Variants in SH3BGRL2 observed in about 807,000 individuals in gnomAD.
The protein encoded by SH3BGRL2 is SH3 domain-binding glutamic acid-rich-like protein 2.
Under a neutral mutation model 14.8 loss-of-function variants are expected in SH3BGRL2, and 21 were observed. That is an observed-to-expected ratio of 1.42 (90% CI 1.01 to 2.05). The LOEUF (loss-of-function observed/expected upper bound fraction) is 2.05. SH3BGRL2 is among the 30% of genes most tolerant of loss of function. SH3BGRL2 has a pLI of 0.00. For synonymous variants in SH3BGRL2, 50 were observed against 47.8 expected, an observed-to-expected ratio of 1.05 and a Z score of -0.19; for missense variants, 147 against 130.8, an observed-to-expected ratio of 1.12 and a Z score of -0.61.
chr6:79,597,427 G>T, the SH3BGRL2 span, among the ~76,000 whole-genome samples: 2 of 152,050 alleles, frequency 1.3e-5, no homozygotes, highest in Non-Finnish European at 2.9e-5. Context: ...AAGACATATA[G>T]ATCAGTGGGA....
the SH3BGRL2 span, among the ~76,000 whole-genome samples, chr6:79,589,304 T>C: frequency 4.0e-5 from 6 of 151,328 alleles, no homozygotes; most frequent in Admixed American, 4.0e-4. Context: ...AAAGAGAAAC[T>C]ATAAAAGATA....
At chr6:79,697,640 T>C (rs1177965055) in intron 3 of SH3BGRL2, among the ~76,000 whole-genome samples, 2 of 152,212 alleles carry the variant, frequency 1.3e-5, no homozygotes, top group Non-Finnish European at 2.9e-5. Flanking sequence ...GTGGTTTCCA[T>C]GCACATGTTT....
At chr6:79,586,392 T>G in the SH3BGRL2 span, among the ~76,000 whole-genome samples, 2 of 152,006 alleles carry the variant, frequency 1.3e-5, no homozygotes, top group Non-Finnish European at 2.9e-5. Flanking sequence ...AATCACCATT[T>G]ATTTTGAAAA....
intron 2 of SH3BGRL2, among the ~76,000 whole-genome samples, chr6:79,685,892 A>G (rs1048350443): frequency 4.6e-5 from 7 of 152,144 alleles, no homozygotes; most frequent in Non-Finnish European, 8.8e-5. Context: ...CCTATTAGAG[A>G]AATAACTTTT....
At chr6:79,583,386 T>A in the SH3BGRL2 span, among the ~76,000 whole-genome samples, 1 of 152,192 alleles carries the variant, frequency 6.6e-6, no homozygotes, top group South Asian at 2.1e-4. Context: ...CCAACCCAAA[T>A]GCCCATCAGT....
intron 1 of SH3BGRL2, among the ~76,000 whole-genome samples, chr6:79,650,428 T>C (rs1769264427): frequency 1.3e-5 from 2 of 152,146 alleles, no homozygotes; most frequent in African/African-American, 4.8e-5. Context: ...TTGGTTGCTA[T>C]AAAGGAATAC....
At chr6:79,589,487 C>A in the SH3BGRL2 span, among the ~76,000 whole-genome samples, 15 of 152,120 alleles carry the variant, frequency 9.9e-5, no homozygotes, top group Admixed American at 8.5e-4. Context: ...TAGTACCAAT[C>A]ATAATCAAAT....
chr6:79,594,685 G>A, the SH3BGRL2 span, among the ~76,000 whole-genome samples: 1 of 152,124 alleles, frequency 6.6e-6, no homozygotes, highest in Non-Finnish European at 1.5e-5. Context: ...GAGTTATCAG[G>A]AGCTCCTCAA....
At chr6:79,659,935 C>T (rs567022135) in intron 1 of SH3BGRL2, among the ~76,000 whole-genome samples, 1 of 150,602 alleles carries the variant, frequency 6.6e-6, no homozygotes, top group Non-Finnish European at 1.5e-5. Flanking sequence ...ATTTGGCTCT[C>T]TGTTTGTCTG....
At chr6:79,598,976 G>A in the SH3BGRL2 span, among the ~76,000 whole-genome samples, 1 of 151,446 alleles carries the variant, frequency 6.6e-6, no homozygotes, top group African/African-American at 2.4e-5. Flanking sequence ...AGCTACTAGG[G>A]AGGCTGAGGC....
chr6:79,668,377 T>A (rs1165368902), intron 1 of SH3BGRL2, among the ~76,000 whole-genome samples: 1 of 152,104 alleles, frequency 6.6e-6, no homozygotes, highest in Non-Finnish European at 1.5e-5. Context: ...TTCACTAAGA[T>A]TTCCACGGGT....
the SH3BGRL2 span, among the ~76,000 whole-genome samples, chr6:79,545,205 G>A: frequency 6.6e-6 from 1 of 152,110 alleles, no homozygotes; most frequent in African/African-American, 2.4e-5. Flanking sequence ...TTCTCTGGCC[G>A]CTTTTCTTTT....
the SH3BGRL2 span, among the ~76,000 whole-genome samples, chr6:79,568,628 C>A: frequency 6.6e-6 from 1 of 152,014 alleles, no homozygotes; most frequent in East Asian, 1.9e-4. Context: ...ACCTAGGAAG[C>A]AAGGATGGGA....
chr6:79,694,634 T>G (rs1341528361), intron 2 of SH3BGRL2, among the ~76,000 whole-genome samples: 1 of 152,222 alleles, frequency 6.6e-6, no homozygotes, highest in Non-Finnish European at 1.5e-5. Context: ...ATATAGTTTC[T>G]CAGATATTAC....
chr6:79,655,742 A>G (rs888680457), intron 1 of SH3BGRL2, among the ~76,000 whole-genome samples: 1 of 152,222 alleles, frequency 6.6e-6, no homozygotes, highest in Admixed American at 6.5e-5. Context: ...AAGTTCATCC[A>G]TGTTGTACAT....
intron 1 of SH3BGRL2, among the ~76,000 whole-genome samples, chr6:79,649,983 T>TCACA (rs370228264): frequency 0.039 from 5,119 of 132,042 alleles, 153 homozygotes; most frequent in African/African-American, 0.093. Flanking sequence ...TCTCTCTCTC[T>TCACA]CTCACACACA....
At chr6:79,598,138 T>G in the SH3BGRL2 span, among the ~76,000 whole-genome samples, 2 of 152,202 alleles carry the variant, frequency 1.3e-5, no homozygotes, top group Admixed American at 1.3e-4. Context: ...CATACAACAC[T>G]GGTGGGTATA....
At chr6:79,656,294 CAAT>C (rs1769417034) in intron 1 of SH3BGRL2, among the ~76,000 whole-genome samples, 1 of 152,136 alleles carries the variant, frequency 6.6e-6, no homozygotes, top group African/African-American at 2.4e-5. Flanking sequence ...CAAGGTGAGT[CAAT>C]GATGATGTCC....
chr6:79,659,875 C>T (rs190678461), intron 1 of SH3BGRL2, among the ~76,000 whole-genome samples: 39 of 151,822 alleles, frequency 2.6e-4, no homozygotes, highest in African/African-American at 8.7e-4. Context: ...AGTTGGATTC[C>T]TAGGTATTTT....
Sources: allele counts gnomAD v4.1 joint callset (sites outside exome capture counted in the v4.1 genomes callset), GRCh38; gene constraint gnomAD v4.1.1; transcripts MANE v1.5; gene names NCBI Gene and HGNC (gene_info 2026-07-23, HGNC 2026-07-21).